MICAL2: variants seen among roughly 807,000 people sequenced by gnomAD.
MICAL2 encodes microtubule associated monooxygenase, calponin and LIM domain containing 2.
A neutral mutation model predicts 127.3 loss-of-function variants in MICAL2; 77 were observed. The observed-to-expected ratio is 0.60, with a 90% confidence interval of 0.50 to 0.73. The LOEUF is 0.73. Among genes scored for constraint, MICAL2 ranks in the 30% least tolerant of loss-of-function variants. MICAL2 has a pLI of 0.00. For missense variants in MICAL2, 1,351 were observed against 1,434.4 expected, an observed-to-expected ratio of 0.94 and a Z score of 0.94; for synonymous variants, 570 against 551.1, an observed-to-expected ratio of 1.03 and a Z score of -0.48.
chr11:12,172,440 T>C (rs1269987020), intron 3 of MICAL2, among the ~76,000 whole-genome samples: 1 of 152,122 alleles, frequency 6.6e-6, no homozygotes, highest in South Asian at 2.1e-4. Context: ...GAGGAAGAAG[T>C]CAAATTGTGT....
At chr11:12,230,206 C>T (rs775911567) in intron 15 of MICAL2, among the ~76,000 whole-genome samples, 11 of 152,106 alleles carry the variant, frequency 7.2e-5, no homozygotes, top group East Asian at 1.9e-4. Flanking sequence ...TTTGGGGAAC[C>T]GAATGGCAAT....
rs143242625 is a variant in MICAL2 at position 12,209,803 on chromosome 11, C to T, written c.691+205C>T. On this transcript the variant is annotated intron_variant, in intron 6 of 27. Coordinates refer to ENST00000683283, the MANE Select transcript of MICAL2 (RefSeq NM_001282663.2). The stretch of plus-strand genomic sequence containing the variant: ...AGTTCAGGGGACAGCCATCTCATTC[C>T]GTCTGAACCTCAGTTTTCTCAGCTG... Among the ~76,000 whole-genome samples, 646 of 152,226 alleles carry T rather than the reference C, an allele frequency of 4.2e-3. 4 individuals are homozygous for T. The highest frequency in any genetic ancestry group is 0.015 in the African/African-American group (608 of 41,528).
At chr11:12,324,842 C>T (rs1037026027) in intron 31 of MICAL2, among the ~76,000 whole-genome samples, 1 of 152,212 alleles carries the variant, frequency 6.6e-6, no homozygotes, top group South Asian at 2.1e-4. Flanking sequence ...TGGGAGCTAC[C>T]TCTTTCACCT....
intron 33 of MICAL2, chr11:12,354,748 A>G: frequency 6.3e-7 from 1 of 1,578,868 alleles, no homozygotes; most frequent in Non-Finnish European, 8.7e-7. Flanking sequence ...TCACAAATCT[A>G]TAGTATTCAT....
At chr11:12,251,075 AAGTGTT>A (rs1286982842) in intron 22 of MICAL2, among the ~76,000 whole-genome samples, 11 of 149,310 alleles carry the variant, frequency 7.4e-5, no homozygotes, top group African/African-American at 2.8e-4. Flanking sequence ...GAGAGAGAGT[AAGTGTT>A]GGAAACTTGT....
intron 32 of MICAL2, among the ~76,000 whole-genome samples, chr11:12,331,046 C>A (rs16911113): frequency 0.031 from 4,723 of 152,064 alleles, 160 homozygotes; most frequent in Admixed American, 0.1. Context: ...TTCCTGGGGG[C>A]CCTACCACCT....
intron 32 of MICAL2, among the ~76,000 whole-genome samples, chr11:12,343,542 A>G (rs1938904234): frequency 6.6e-6 from 1 of 152,148 alleles, no homozygotes; most frequent in South Asian, 2.1e-4. Context: ...AGCACAGGGA[A>G]CTCTCTAACA....
At chr11:12,338,249 C>T (rs1265780904) in intron 32 of MICAL2, among the ~76,000 whole-genome samples, 3 of 152,142 alleles carry the variant, frequency 2.0e-5, no homozygotes, top group African/African-American at 7.2e-5. Flanking sequence ...GGTTTAAAGT[C>T]TGTTTTATCA....
chr11:12,129,272 G>A (rs1851204628), intron 1 of MICAL2, among the ~76,000 whole-genome samples: 1 of 152,112 alleles, frequency 6.6e-6, no homozygotes, highest in Admixed American at 6.5e-5. Flanking sequence ...CACCTCTCAG[G>A]ATTTGGAAAA....
chr11:12,293,576 C>T (rs773144963), downstream of MICAL2: 1 of 1,609,576 alleles, frequency 6.2e-7, no homozygotes. Context: ...AGCTTCTGAG[C>T]CCCTCTCGCA....
At chr11:12,258,609 T>C in intron 25 of MICAL2, 53 bp downstream of exon 25, 2 of 1,524,890 alleles carry the variant, frequency 1.3e-6, no homozygotes, top group South Asian at 2.2e-5. Context: ...TTGATAAGGG[T>C]TTCCAGTGAT....
chr11:12,286,632 G>A (rs1021171425), intron 2 of MICAL2, among the ~76,000 whole-genome samples: 5 of 152,166 alleles, frequency 3.3e-5, no homozygotes, highest in African/African-American at 1.2e-4. Flanking sequence ...ACTTTGGGAG[G>A]CCGAGGTGGG....
chr11:12,323,121 G>C (rs948766785), intron 30 of MICAL2, among the ~76,000 whole-genome samples: 1 of 152,100 alleles, frequency 6.6e-6, no homozygotes, highest in African/African-American at 2.4e-5. Flanking sequence ...CCAGTATGTG[G>C]AATTAACCAC....
chr11:12,313,311 C>T lies in MICAL2; in HGVS notation c.5213-6385C>T, dbSNP rs1410906808. Among the ~76,000 whole-genome samples, 8 of 151,526 alleles carry T rather than the reference C, an allele frequency of 5.3e-5. 1 individual carries two copies. On this transcript the variant is annotated intron_variant, in intron 29 of 34. Transcript: ENST00000646065. The stretch of plus-strand genomic sequence containing the variant: ...TGTCTGGCTTTGAGGGAAAGGGGTT[C>T]TGGTTGTTATGACCTGCCTTGAGGA...
chr11:12,242,195 A>T lies in MICAL2; in HGVS notation c.2338-19A>T. ...AGGGCCGCAGTAGGGAAGGAAGCTT[A>T]ATTTTCCCTCTTTCCCAGTTCCCCT... On this transcript the variant is annotated intron_variant, in intron 18 of 27. Coordinates refer to ENST00000683283, the MANE Select transcript of MICAL2 (RefSeq NM_001282663.2). 1 of 1,584,124 alleles carries T rather than the reference A, an allele frequency of 6.3e-7. No individual in the cohort carries two copies.
At chr11:12,116,044 C>T (rs1386396769) in intron 1 of MICAL2, among the ~76,000 whole-genome samples, 1 of 149,858 alleles carries the variant, frequency 6.7e-6, no homozygotes, top group Non-Finnish European at 1.5e-5. Flanking sequence ...GCAGTGGGGC[C>T]ATCTTGGCTC....
At chr11:12,208,361 A>T (rs935149288) in intron 5 of MICAL2, 1 of 465,606 alleles carries the variant, frequency 2.1e-6, no homozygotes, top group Non-Finnish European at 3.9e-6. Context: ...TAAACCTGTA[A>T]TTTGGTTACC....
intron 32 of MICAL2, among the ~76,000 whole-genome samples, chr11:12,335,940 C>G (rs1049410753): frequency 5.3e-5 from 8 of 152,122 alleles, no homozygotes; most frequent in East Asian, 1.9e-4. Context: ...AATGCGGGCT[C>G]TTTTTTGGTT....
downstream of MICAL2, among the ~76,000 whole-genome samples, chr11:12,289,694 G>C (rs751464194): frequency 3.3e-5 from 5 of 151,500 alleles, no homozygotes; most frequent in Non-Finnish European, 5.9e-5. Context: ...TCAGCCTCTC[G>C]AGTAGCTGGG....
Sources: gnomAD v4.1 joint callset for allele counts (sites outside exome capture counted in the v4.1 genomes callset) on GRCh38, gnomAD v4.1.1 for gene constraint, MANE v1.5 for transcripts, NCBI Gene and HGNC (gene_info 2026-07-23, HGNC 2026-07-21) for gene names.